SEMA6D: variants seen among roughly 807,000 people sequenced by gnomAD.
SEMA6D encodes semaphorin 6D.
A neutral mutation model predicts 106.6 loss-of-function variants in SEMA6D; 35 were observed. The observed-to-expected ratio is 0.33, with a 90% CI of 0.25 to 0.44. SEMA6D has a LOEUF of 0.44. Among genes scored for constraint, SEMA6D ranks in the 20% least tolerant of loss-of-function variants. SEMA6D has a pLI of 1.00. For synonymous variants in SEMA6D, 499 were observed against 487.7 expected, an observed-to-expected ratio of 1.02 and a Z score of -0.31; for missense variants, 1,185 against 1,345.9, an observed-to-expected ratio of 0.88 and a Z score of 1.87.
intron 4 of SEMA6D, among the ~76,000 whole-genome samples, chr15:47,663,862 A>C (rs2145239036): frequency 6.6e-6 from 1 of 152,212 alleles, no homozygotes; most frequent in East Asian, 1.9e-4. Context: ...TTGGAGATGC[A>C]GAAGTTCAGC....
At chr15:47,516,812 A>G (rs753246770) in intron 3 of SEMA6D, among the ~76,000 whole-genome samples, 7 of 152,198 alleles carry the variant, frequency 4.6e-5, no homozygotes, top group African/African-American at 9.7e-5. Flanking sequence ...ATTCTCCTAG[A>G]GCTAATCCAG....
At chr15:47,493,437 A>C (rs550789236) in intron 3 of SEMA6D, among the ~76,000 whole-genome samples, 1 of 152,170 alleles carries the variant, frequency 6.6e-6, no homozygotes, top group African/African-American at 2.4e-5. Context: ...CTATCACAAT[A>C]TCTTAGCTAG....
intron 2 of SEMA6D, 127 bp downstream of exon 2, chr15:47,760,034 G>A (rs959793994): frequency 6.6e-6 from 5 of 756,014 alleles, no homozygotes; most frequent in Non-Finnish European, 8.7e-6. Flanking sequence ...TTGCATCTGA[G>A]TTTATCAGTA....
intron 2 of SEMA6D, among the ~76,000 whole-genome samples, chr15:47,431,268 AT>A (rs2041513716): frequency 6.6e-6 from 1 of 152,074 alleles, no homozygotes; most frequent in Non-Finnish European, 1.5e-5. Flanking sequence ...TATCATTTTT[AT>A]TTTGTTTATT....
intron 4 of SEMA6D, among the ~76,000 whole-genome samples, chr15:47,673,156 A>G (rs1242530950): frequency 1.3e-5 from 2 of 152,134 alleles, no homozygotes; most frequent in East Asian, 1.9e-4. Flanking sequence ...CCACGTCCCT[A>G]CAATTACTCC....
intron 3 of SEMA6D, among the ~76,000 whole-genome samples, chr15:47,516,013 AC>A (rs1280025277): frequency 6.6e-6 from 1 of 152,292 alleles, no homozygotes; most frequent in African/African-American, 2.4e-5. Context: ...CCAGAGAGCC[AC>A]ACTTCAAATT....
At chr15:47,216,685 GA>G (rs544140443) in intron 1 of SEMA6D, among the ~76,000 whole-genome samples, 1,846 of 151,866 alleles carry the variant, frequency 0.012, 43 homozygotes, top group Admixed American at 0.012. Flanking sequence ...TACATCAATG[GA>G]AAAATGGACA....
intron 1 of SEMA6D, among the ~76,000 whole-genome samples, chr15:47,315,342 T>C (rs1205974031): frequency 6.6e-6 from 1 of 152,232 alleles, no homozygotes; most frequent in East Asian, 1.9e-4. Flanking sequence ...CACCGTTTGT[T>C]GAACAGACTA....
chr15:47,572,276 A>G (rs1224244020), intron 3 of SEMA6D, among the ~76,000 whole-genome samples: 1 of 152,206 alleles, frequency 6.6e-6, no homozygotes, highest in East Asian at 1.9e-4. Context: ...GTTATTTTCA[A>G]TTTTTGAAAG....
At chr15:47,751,382 C>T (rs1345729202) in intron 1 of SEMA6D, among the ~76,000 whole-genome samples, 7 of 152,182 alleles carry the variant, frequency 4.6e-5, no homozygotes, top group African/African-American at 1.7e-4. Context: ...CCTAAACCCA[C>T]TGCTCCTTTT....
intron 1 of SEMA6D, among the ~76,000 whole-genome samples, chr15:47,323,246 C>T (rs1455624632): frequency 1.3e-5 from 2 of 152,072 alleles, no homozygotes; most frequent in South Asian, 2.1e-4. Context: ...ACCCACAGCT[C>T]GGCGAGCAGG....
chr15:47,488,407 C>T (rs77012944), intron 3 of SEMA6D, among the ~76,000 whole-genome samples: 5,287 of 151,638 alleles, frequency 0.035, 242 homozygotes, highest in African/African-American at 0.1. Context: ...TGATTTTCAA[C>T]TTGCTTTTTG....
intron 2 of SEMA6D, among the ~76,000 whole-genome samples, chr15:47,446,581 G>T (rs2042036178): frequency 6.6e-6 from 1 of 152,112 alleles, no homozygotes; most frequent in Non-Finnish European, 1.5e-5. Flanking sequence ...CCTCAATCTG[G>T]TGTAAAGCGG....
intron 3 of SEMA6D, among the ~76,000 whole-genome samples, chr15:47,564,403 GA>G (rs2046169378): frequency 6.6e-6 from 1 of 152,104 alleles, no homozygotes; most frequent in Non-Finnish European, 1.5e-5. Flanking sequence ...AAGAATACAG[GA>G]TATTAATGTA....
chr15:47,459,288 T>C (rs1020505241), intron 2 of SEMA6D, among the ~76,000 whole-genome samples: 5 of 152,042 alleles, frequency 3.3e-5, no homozygotes, highest in Non-Finnish European at 7.4e-5. Flanking sequence ...CAACAGCCTG[T>C]AGAAAGCCAG....
At chr15:47,353,423 G>A (rs924659601) in intron 1 of SEMA6D, among the ~76,000 whole-genome samples, 3 of 151,956 alleles carry the variant, frequency 2.0e-5, no homozygotes, top group African/African-American at 4.8e-5. Flanking sequence ...TCCCTATACC[G>A]TATGCTTCTA....
intron 4 of SEMA6D, among the ~76,000 whole-genome samples, chr15:47,624,147 G>A (rs1030398291): frequency 1.3e-5 from 2 of 152,122 alleles, no homozygotes; most frequent in African/African-American, 4.8e-5. Flanking sequence ...TGTCTAGAAC[G>A]TTCTTCATGC....
Position 47,469,341 on chromosome 15 carries a change from C to T in SEMA6D, c.-158-1133C>T, listed in dbSNP as rs989370393. Among the ~76,000 whole-genome samples the T allele has an allele frequency of 1.9e-4, 28 of 147,112 alleles. No individual in the cohort carries two copies. In the East Asian group the frequency reaches 3.2e-3, roughly 17 times the overall value. On this transcript the variant is annotated intron_variant, in intron 2 of 19. Transcript: ENST00000558014. ...GTGTGTGTGTATGTGCACGCATGTG[C>T]GTGTGTGTGTGTGTGTGTGTGTTTA... is the stretch of plus-strand genomic sequence containing the variant.
intron 1 of SEMA6D, among the ~76,000 whole-genome samples, chr15:47,752,053 T>C (rs2081470180): frequency 6.6e-6 from 1 of 152,080 alleles, no homozygotes; most frequent in Non-Finnish European, 1.5e-5. Flanking sequence ...CAGGACTCCT[T>C]GTGAGAGGGG....
Sources: allele counts gnomAD v4.1 joint callset (sites outside exome capture counted in the v4.1 genomes callset), GRCh38; gene constraint gnomAD v4.1.1; transcripts MANE v1.5; gene names NCBI Gene and HGNC (gene_info 2026-07-23, HGNC 2026-07-21).